Variants in ST6GALNAC5 observed in about 807,000 individuals in gnomAD.
The protein encoded by ST6GALNAC5 is alpha-N-acetylgalactosaminide alpha-2,6-sialyltransferase 5.
In ST6GALNAC5, 27 loss-of-function variants were observed where a neutral mutation model predicts 33.6. That is an observed-to-expected ratio of 0.80 (90% CI 0.59 to 1.11). ST6GALNAC5 has a LOEUF of 1.11. ST6GALNAC5 is among the 50% of genes least tolerant of loss of function. The pLI is 0.00. For missense variants in ST6GALNAC5, 428 were observed against 454.0 expected (o/e 0.94, Z 0.52); for synonymous variants, 194 against 171.2 (o/e 1.13, Z -1.04).
chr1:76,953,253 A>G (rs1570703412), intron 2 of ST6GALNAC5, among the ~76,000 whole-genome samples: 1 of 152,110 alleles, frequency 6.6e-6, no homozygotes, highest in Admixed American at 6.6e-5. Context: ...GAAACTTCCA[A>G]ACTATTTTCC....
At chr1:76,888,159 T>A (rs1653937503) in intron 2 of ST6GALNAC5, among the ~76,000 whole-genome samples, 1 of 152,232 alleles carries the variant, frequency 6.6e-6, no homozygotes, top group Non-Finnish European at 1.5e-5. Context: ...ATGTGGTCTT[T>A]AATATAATTT....
chr1:77,047,602 G>T (rs986049321), intron 3 of ST6GALNAC5, among the ~76,000 whole-genome samples: 1 of 152,204 alleles, frequency 6.6e-6, no homozygotes, highest in African/African-American at 2.4e-5. Flanking sequence ...GACTTAGATG[G>T]CCAAGTGGTA....
At chr1:76,914,822 A>G (rs1168150781) in intron 2 of ST6GALNAC5, among the ~76,000 whole-genome samples, 1 of 152,222 alleles carries the variant, frequency 6.6e-6, no homozygotes, top group Non-Finnish European at 1.5e-5. Context: ...AATGGCAACA[A>G]AAGCCAAAAT....
intron 2 of ST6GALNAC5, among the ~76,000 whole-genome samples, chr1:76,952,638 A>C (rs1045882335): frequency 1.3e-5 from 2 of 152,132 alleles, no homozygotes; most frequent in African/African-American, 4.8e-5. Flanking sequence ...TGTGTATTGC[A>C]ACATCACTAT....
At chr1:76,987,537 C>T (rs541067220) in intron 2 of ST6GALNAC5, among the ~76,000 whole-genome samples, 1 of 152,118 alleles carries the variant, frequency 6.6e-6, no homozygotes, top group Non-Finnish European at 1.5e-5. Context: ...CTGGCTGTTT[C>T]TCAAACGATT....
intron 2 of ST6GALNAC5, among the ~76,000 whole-genome samples, chr1:76,909,594 A>G (rs1646893102): frequency 6.6e-6 from 1 of 152,082 alleles, no homozygotes. Flanking sequence ...AATTGTTGCA[A>G]AAAGAAAGCA....
Position 77,066,106 on chromosome 1 carries a change from G to A in ST6GALNAC5, c.*2900G>A, listed in dbSNP as rs1054780453. ...ATTCAGCATGCTGCATGGAGACTTA[G>A]CTGTGTGATTTCCATTACCGTTAAT... On this transcript the variant is annotated 3_prime_UTR_variant, in exon 5 of 5. Transcript: ENST00000477717. Among the ~76,000 whole-genome samples, 4 of 152,198 alleles carry A rather than the reference G, an allele frequency of 2.6e-5. No individual in the cohort carries two copies. Among genetic ancestry groups the A allele is most frequent in the African/African-American group, 9.7e-5 (4 of 41,428 alleles).
At chr1:76,899,531 G>A (rs1305866867) in intron 2 of ST6GALNAC5, among the ~76,000 whole-genome samples, 3 of 152,138 alleles carry the variant, frequency 2.0e-5, no homozygotes, top group Admixed American at 1.3e-4. Flanking sequence ...TGCCGCTAAG[G>A]GTGAAGGACC....
At chr1:76,983,491 C>T (rs1557747810) in intron 2 of ST6GALNAC5, among the ~76,000 whole-genome samples, 1 of 152,180 alleles carries the variant, frequency 6.6e-6, no homozygotes, top group South Asian at 2.1e-4. Flanking sequence ...GCACCCAATA[C>T]AAGAGCACCC....
chr1:76,948,563 G>A (rs922460339), intron 2 of ST6GALNAC5, among the ~76,000 whole-genome samples: 1 of 149,530 alleles, frequency 6.7e-6, no homozygotes, highest in African/African-American at 2.5e-5. Flanking sequence ...AGTGGGGAGA[G>A]AGAGAGAGGT....
chr1:77,033,856 A>G (rs1651552587), intron 2 of ST6GALNAC5, among the ~76,000 whole-genome samples: 1 of 152,126 alleles, frequency 6.6e-6, no homozygotes, highest in Non-Finnish European at 1.5e-5. Context: ...CAAGATTCCA[A>G]CCAGGTAATT....
chr1:76,897,684 T>C (rs1391522835), intron 2 of ST6GALNAC5, among the ~76,000 whole-genome samples: 1 of 152,114 alleles, frequency 6.6e-6, no homozygotes, highest in Non-Finnish European at 1.5e-5. Context: ...GGCAGTAAGA[T>C]GTAGCTGTAA....
chr1:76,974,476 C>T (rs1218836508), intron 2 of ST6GALNAC5, among the ~76,000 whole-genome samples: 1 of 151,916 alleles, frequency 6.6e-6, no homozygotes, highest in Non-Finnish European at 1.5e-5. Context: ...GTGTTGGGTT[C>T]CAGGCATGAG....
intron 2 of ST6GALNAC5, among the ~76,000 whole-genome samples, chr1:77,009,439 C>T (rs950416844): frequency 6.6e-6 from 1 of 151,914 alleles, no homozygotes; most frequent in Non-Finnish European, 1.5e-5. Context: ...GTGAATTGTG[C>T]CCAGGTAGGC....
intron 2 of ST6GALNAC5, among the ~76,000 whole-genome samples, chr1:76,954,334 C>T (rs982630472): frequency 6.6e-6 from 1 of 151,990 alleles, no homozygotes; most frequent in Non-Finnish European, 1.5e-5. Context: ...ATTATAAGAA[C>T]ACATGGACAC....
chr1:77,029,736 ACAC>A (rs1423089939), intron 2 of ST6GALNAC5, among the ~76,000 whole-genome samples: 8 of 152,238 alleles, frequency 5.3e-5, no homozygotes, highest in African/African-American at 1.9e-4. Context: ...AAGTAGTCTG[ACAC>A]CTCATTTTGA....
At chr1:76,964,876 G>A (rs953270447) in intron 2 of ST6GALNAC5, among the ~76,000 whole-genome samples, 4 of 152,008 alleles carry the variant, frequency 2.6e-5, no homozygotes, top group Middle Eastern at 3.4e-3. Flanking sequence ...TCTGTCCTTG[G>A]GATAGTTTGC....
chr1:76,909,975 T>C (rs2100278101), intron 2 of ST6GALNAC5, among the ~76,000 whole-genome samples: 1 of 152,186 alleles, frequency 6.6e-6, no homozygotes, highest in African/African-American at 2.4e-5. Context: ...AAAAAGGTTC[T>C]GTAGTCATAA....
chr1:76,927,565 G>A (rs1647098125), intron 2 of ST6GALNAC5, among the ~76,000 whole-genome samples: 1 of 152,080 alleles, frequency 6.6e-6, no homozygotes, highest in African/African-American at 2.4e-5. Context: ...AGCCCCTGGG[G>A]AAAATAAATA....
Sources: allele counts gnomAD v4.1 joint callset (sites outside exome capture counted in the v4.1 genomes callset), GRCh38; gene constraint gnomAD v4.1.1; transcripts MANE v1.5; gene names NCBI Gene and HGNC (gene_info 2026-07-23, HGNC 2026-07-21).